The following CDKAL1 variants were observed in gnomAD, a reference collection of about 807,000 sequenced individuals.
CDKAL1 encodes CDKAL1 threonylcarbamoyladenosine tRNA methylthiotransferase, also known as threonylcarbamoyladenosine tRNA methylthiotransferase.
A neutral mutation model predicts 68.2 loss-of-function variants in CDKAL1; 32 were observed. The ratio of observed to expected loss-of-function variants is 0.47; its 90% CI spans 0.35 to 0.63. The LOEUF is 0.63. Ranked by LOEUF, CDKAL1 falls within the 30% of genes least tolerant of loss-of-function variation. CDKAL1 has a pLI of 0.00. For missense variants in CDKAL1, 606 were observed against 696.7 expected (o/e 0.87, Z 1.47); for synonymous variants, 234 against 244.3 (o/e 0.96, Z 0.39).
At chr6:20,822,555 C>T (rs1326023381) in intron 8 of CDKAL1, among the ~76,000 whole-genome samples, 4 of 152,154 alleles carry the variant, frequency 2.6e-5, no homozygotes, top group Non-Finnish European at 5.9e-5. Context: ...TAGGGTTAGG[C>T]TTTGTGTCCT....
At chr6:20,567,119 T>A (rs1764491652) in intron 4 of CDKAL1, among the ~76,000 whole-genome samples, 1 of 151,912 alleles carries the variant, frequency 6.6e-6, no homozygotes, top group Non-Finnish European at 1.5e-5. Context: ...AGACATTGAC[T>A]GACTCAAATA....
At chr6:20,996,464 G>T (rs1486513763) in intron 10 of CDKAL1, among the ~76,000 whole-genome samples, 1 of 152,152 alleles carries the variant, frequency 6.6e-6, no homozygotes, top group African/African-American at 2.4e-5. Flanking sequence ...CCTTCGTCAG[G>T]TTATTAATTG....
intron 4 of CDKAL1, among the ~76,000 whole-genome samples, chr6:20,591,549 TC>T (rs1293845989): frequency 2.0e-5 from 3 of 152,120 alleles, no homozygotes; most frequent in African/African-American, 7.2e-5. Context: ...AAGGAAGGGG[TC>T]CAGTTTCTGT....
At chr6:20,838,575 C>T (rs1442546904) in intron 8 of CDKAL1, among the ~76,000 whole-genome samples, 1 of 152,136 alleles carries the variant, frequency 6.6e-6, no homozygotes, top group African/African-American at 2.4e-5. Flanking sequence ...TTTTACCATG[C>T]TATTTTAGTA....
intron 6 of CDKAL1, among the ~76,000 whole-genome samples, chr6:20,748,554 GGAAA>G (rs1398448742): frequency 5.2e-5 from 4 of 77,090 alleles, no homozygotes; most frequent in African/African-American, 9.5e-5. Flanking sequence ...CTCTGTTTCT[GGAAA>G]AAAAAAAAAA....
intron 4 of CDKAL1, among the ~76,000 whole-genome samples, chr6:20,593,277 C>T (rs1009305496): frequency 4.6e-5 from 7 of 152,066 alleles, no homozygotes; most frequent in African/African-American, 7.2e-5. Flanking sequence ...CAGTAGAATT[C>T]GGCTGTGAAT....
intron 8 of CDKAL1, 136 bp downstream of exon 8, chr6:20,781,401 C>T (rs1775425102): frequency 1.4e-6 from 1 of 698,938 alleles, no homozygotes; most frequent in South Asian, 2.1e-5. Flanking sequence ...TGCTCAAATA[C>T]AGTTTCTTCT....
At chr6:21,083,084 G>A (rs1236775336) in intron 12 of CDKAL1, among the ~76,000 whole-genome samples, 5 of 151,836 alleles carry the variant, frequency 3.3e-5, no homozygotes, top group African/African-American at 2.4e-5. Context: ...CGGAGTGGTC[G>A]CAAACTCCTG....
chr6:20,807,327 G>A (rs1030452053), intron 8 of CDKAL1, among the ~76,000 whole-genome samples: 3 of 151,944 alleles, frequency 2.0e-5, no homozygotes, highest in South Asian at 2.1e-4. Context: ...GGGTTCAAGC[G>A]ATTCACCTGC....
chr6:20,763,487 G>A (rs544862489), intron 7 of CDKAL1, among the ~76,000 whole-genome samples: 2 of 152,292 alleles, frequency 1.3e-5, no homozygotes, highest in African/African-American at 2.4e-5. Flanking sequence ...TGATTGATAA[G>A]AAGTTAGCTG....
intron 8 of CDKAL1, among the ~76,000 whole-genome samples, chr6:20,829,232 T>G (rs1471931563): frequency 6.6e-6 from 1 of 152,230 alleles, no homozygotes; most frequent in Non-Finnish European, 1.5e-5. Flanking sequence ...GATGGCTAGA[T>G]CATATGGTAA....
chr6:21,048,869 T>C (rs1289502173), intron 11 of CDKAL1, among the ~76,000 whole-genome samples: 2 of 152,152 alleles, frequency 1.3e-5, no homozygotes, highest in African/African-American at 4.8e-5. Context: ...ACTTTGTAGA[T>C]TTTGCCCTGT....
chr6:20,594,136 G>T (rs560421073), intron 4 of CDKAL1, among the ~76,000 whole-genome samples: 2 of 152,178 alleles, frequency 1.3e-5, no homozygotes, highest in Non-Finnish European at 2.9e-5. Context: ...GTGGTGCTGA[G>T]AAGAATGTAT....
intron 8 of CDKAL1, among the ~76,000 whole-genome samples, chr6:20,829,769 G>A (rs747208559): frequency 6.6e-6 from 1 of 152,092 alleles, no homozygotes; most frequent in South Asian, 2.1e-4. Context: ...AAGAGATGTG[G>A]GTCTACAAAC....
intron 4 of CDKAL1, among the ~76,000 whole-genome samples, chr6:20,549,859 G>A (rs577694360): frequency 1.3e-5 from 2 of 152,134 alleles, no homozygotes; most frequent in Admixed American, 6.5e-5. Flanking sequence ...CACTCGCCTC[G>A]GCCTCCCAAA....
At position 21,068,203 on chromosome 6, in the gene CDKAL1, G is replaced by A. The variant is rs546537650; in HGVS notation, c.1236+2975G>A. 1.6e-4 allele frequency among the ~76,000 whole-genome samples: 24 copies of A among 146,762 alleles called. No individual in the cohort carries two copies. The East Asian group carries it at 3.4e-3, about 21-fold the overall frequency. On this transcript the variant is annotated intron_variant, in intron 12 of 15. Transcript: ENST00000274695. ...TCATGGTGCCTTTTGAAGAACAGAC[G>A]TTCTTCATTTTAATGTAGAATTTAT...
At chr6:20,915,742 A>G (rs532532688) in intron 9 of CDKAL1, among the ~76,000 whole-genome samples, 1 of 152,312 alleles carries the variant, frequency 6.6e-6, no homozygotes, top group Non-Finnish European at 1.5e-5. Context: ...ACACAGAAAT[A>G]TATACATGAA....
intron 8 of CDKAL1, among the ~76,000 whole-genome samples, chr6:20,845,605 G>A (rs1404978443): frequency 1.3e-5 from 2 of 152,004 alleles, no homozygotes; most frequent in Non-Finnish European, 2.9e-5. Context: ...TTATGAGAAT[G>A]CTATATTATC....
intron 11 of CDKAL1, among the ~76,000 whole-genome samples, chr6:21,025,525 C>G (rs1318386257): frequency 6.6e-6 from 1 of 152,108 alleles, no homozygotes; most frequent in East Asian, 1.9e-4. Flanking sequence ...ACTTCTCTTT[C>G]TGTTTGGAGG....
Sources: allele counts gnomAD v4.1 joint callset (sites outside exome capture counted in the v4.1 genomes callset), GRCh38; gene constraint gnomAD v4.1.1; transcripts MANE v1.5; gene names NCBI Gene and HGNC (gene_info 2026-07-23, HGNC 2026-07-21).